The following ACTR3B variants were observed in gnomAD, a reference collection of about 807,000 sequenced individuals.
The protein encoded by ACTR3B is actin related protein 3B, also known as actin-related protein 3B.
In ACTR3B, 8 loss-of-function variants were observed where a neutral mutation model predicts 59.0. The ratio of observed to expected loss-of-function variants is 0.14; its 90% CI spans 0.08 to 0.24. The LOEUF is 0.24. ACTR3B is among the 10% of genes least tolerant of loss of function. The pLI is 1.00. For synonymous variants in ACTR3B, 148 were observed against 197.9 expected (o/e 0.75, Z 2.12); for missense variants, 245 against 552.3 (o/e 0.44, Z 5.58).
At chr7:152,818,269 C>T (rs1431339696) in intron 6 of ACTR3B, among the ~76,000 whole-genome samples, 4 of 152,162 alleles carry the variant, frequency 2.6e-5, no homozygotes, top group African/African-American at 7.2e-5. Context: ...TGTCCAGGCC[C>T]ACTAAGAAAG....
chr7:152,846,113 C>T (rs188593951), intron 9 of ACTR3B, among the ~76,000 whole-genome samples: 6 of 152,148 alleles, frequency 3.9e-5, no homozygotes, highest in East Asian at 3.9e-4. Context: ...TGAGCCCCAG[C>T]GCCTGGGCTG....
intron 1 of ACTR3B, among the ~76,000 whole-genome samples, chr7:152,764,577 G>A (rs1025627025): frequency 2.6e-5 from 4 of 151,614 alleles, no homozygotes; most frequent in Admixed American, 6.6e-5. Flanking sequence ...GAACCAGGAG[G>A]CGGAGGTTGC....
At chr7:152,836,264 G>A (rs377045524) in intron 9 of ACTR3B, among the ~76,000 whole-genome samples, 5 of 152,272 alleles carry the variant, frequency 3.3e-5, no homozygotes, top group South Asian at 4.1e-4. Flanking sequence ...GTTAAACTGC[G>A]AAAGTAAACA....
chr7:152,782,662 C>T (rs1283583847), intron 1 of ACTR3B, among the ~76,000 whole-genome samples: 7 of 151,536 alleles, frequency 4.6e-5, no homozygotes, highest in African/African-American at 9.7e-5. Flanking sequence ...TTCTAACCGC[C>T]GCCCCCCACC....
intron 2 of ACTR3B, among the ~76,000 whole-genome samples, chr7:152,797,459 A>C (rs1400132337): frequency 1.3e-5 from 2 of 152,214 alleles, no homozygotes; most frequent in South Asian, 2.1e-4. Flanking sequence ...GTTTTGAAGT[A>C]TATATACATT....
At chr7:152,846,304 T>C (rs542946033) in intron 9 of ACTR3B, among the ~76,000 whole-genome samples, 2,423 of 118,532 alleles carry the variant, frequency 0.02, 46 homozygotes, top group Middle Eastern at 0.094. Flanking sequence ...CTCTAGTGCC[T>C]GGGCTGCAGT....
chr7:152,776,588 CA>C (rs1233422822), intron 1 of ACTR3B, among the ~76,000 whole-genome samples: 47 of 151,754 alleles, frequency 3.1e-4, no homozygotes, highest in African/African-American at 1.1e-3. Context: ...CACTAGTATA[CA>C]AAAAATAATA....
chr7:152,809,581 GC>G (rs1204050968), intron 4 of ACTR3B, among the ~76,000 whole-genome samples: 2 of 150,840 alleles, frequency 1.3e-5, no homozygotes, highest in African/African-American at 4.9e-5. Flanking sequence ...TTGCTCTGTA[GC>G]CCAGGCTGGA....
chr7:152,833,673 A>T (rs1055465888), intron 9 of ACTR3B, among the ~76,000 whole-genome samples: 1 of 152,130 alleles, frequency 6.6e-6, no homozygotes, highest in Non-Finnish European at 1.5e-5. Context: ...ACCGCATTTG[A>T]TATTAAGCAC....
intron 1 of ACTR3B, among the ~76,000 whole-genome samples, chr7:152,769,714 CT>C (rs1220887910): frequency 2.6e-5 from 4 of 151,664 alleles, no homozygotes; most frequent in Non-Finnish European, 4.4e-5. Context: ...TTTTGGTGCA[CT>C]TTAGGGCAGA....
At chr7:152,823,042 T>C (rs1796299869) in intron 7 of ACTR3B, among the ~76,000 whole-genome samples, 1 of 152,224 alleles carries the variant, frequency 6.6e-6, no homozygotes. Flanking sequence ...GACGAGGTGC[T>C]TTCTAGACAC....
At chr7:152,787,363 G>T (rs1199379087) in intron 2 of ACTR3B, among the ~76,000 whole-genome samples, 2 of 152,020 alleles carry the variant, frequency 1.3e-5, no homozygotes, top group African/African-American at 4.8e-5. Context: ...CTTTGTAGAG[G>T]TTAAATATGA....
In ACTR3B at chr7:152,855,218, A is replaced by G. The variant is rs1202333659; in HGVS notation, c.*665A>G. 1.3e-5 allele frequency: 2 copies of G among 152,666 alleles called. No individual in the cohort carries two copies. The highest frequency in any genetic ancestry group is 4.8e-5 in the African/African-American group (2 of 41,462). 9.5% of individuals were successfully genotyped at this position (152,666 alleles called of 1,614,324 possible). ...ACATGAAGTTTGAACACTAAACAGT[A>G]ATGTATGAGAATTACTACAGATACA... is the stretch of plus-strand genomic sequence containing the variant. On this transcript the variant is annotated 3_prime_UTR_variant, in exon 12 of 12. Transcript: ENST00000256001.
At chr7:152,770,167 A>G (rs2098120610) in intron 1 of ACTR3B, among the ~76,000 whole-genome samples, 1 of 151,794 alleles carries the variant, frequency 6.6e-6, no homozygotes, top group African/African-American at 2.4e-5. Context: ...ACTTCCTGGA[A>G]CCTCCTAAAA....
chr7:152,768,638 A>G (rs1254807759), intron 1 of ACTR3B, among the ~76,000 whole-genome samples: 3 of 151,472 alleles, frequency 2.0e-5, no homozygotes, highest in South Asian at 4.2e-4. Flanking sequence ...CATCACGCCC[A>G]GCTAATTTTT....
intron 6 of ACTR3B, among the ~76,000 whole-genome samples, chr7:152,817,448 A>G (rs1190784987): frequency 1.3e-5 from 2 of 152,156 alleles, no homozygotes; most frequent in African/African-American, 4.8e-5. Flanking sequence ...AGGCTCTGCA[A>G]TGCCGCTTTT....
chr7:152,771,321 A>G (rs1416857738), intron 1 of ACTR3B, among the ~76,000 whole-genome samples: 1 of 152,262 alleles, frequency 6.6e-6, no homozygotes, highest in Admixed American at 6.5e-5. Flanking sequence ...ATAAAACAAA[A>G]GAACAAAGAA....
intron 9 of ACTR3B, among the ~76,000 whole-genome samples, chr7:152,841,899 A>G (rs897251079): frequency 2.0e-5 from 3 of 152,240 alleles, no homozygotes; most frequent in Admixed American, 6.5e-5. Context: ...ACTTTGAGAT[A>G]TAATTTATGT....
At chr7:152,789,684 C>T (rs1264108703) in intron 2 of ACTR3B, among the ~76,000 whole-genome samples, 1 of 151,728 alleles carries the variant, frequency 6.6e-6, no homozygotes, top group Non-Finnish European at 1.5e-5. Flanking sequence ...TCTAACACTT[C>T]GTGTTTCTTT....
Sources: allele counts gnomAD v4.1 joint callset (sites outside exome capture counted in the v4.1 genomes callset), GRCh38; gene constraint gnomAD v4.1.1; transcripts MANE v1.5; gene names NCBI Gene and HGNC (gene_info 2026-07-23, HGNC 2026-07-21).